Variants in MIPOL1 observed in about 807,000 individuals in gnomAD.
MIPOL1 encodes the protein mirror-image polydactyly 1.
In MIPOL1, 57 loss-of-function variants were observed where a neutral mutation model predicts 60.9. The ratio of observed to expected loss-of-function variants is 0.94; its 90% confidence interval spans 0.76 to 1.17. The LOEUF (loss-of-function observed/expected upper bound fraction) is 1.17. MIPOL1 is among the 50% of genes most tolerant of loss of function. The pLI, the probability that MIPOL1 is intolerant of heterozygous loss-of-function variation, is 0.00. For synonymous variants in MIPOL1, 179 were observed against 168.8 expected, an observed-to-expected ratio of 1.06 and a Z score of -0.47; for missense variants, 551 against 511.6, an observed-to-expected ratio of 1.08 and a Z score of -0.74.
In MIPOL1 at chr14:37,451,808, C is replaced by CTTTTTTT. The variant is rs535978128; in HGVS notation, c.1031+28877_1031+28883dup. On this transcript the variant is annotated intron_variant, in intron 11 of 12. Transcript: ENST00000684589. ...CTTAAGGTTCTTTTGTTTATTCTCT[C>CTTTTTTT]TTTTTTTTTTTTTTTTTTTTTTTTG... 1.8e-3 allele frequency among the ~76,000 whole-genome samples: 152 copies of CTTTTTTT among 84,558 alleles called. 14 individuals are homozygous for CTTTTTTT. The highest frequency in any genetic ancestry group is 8.4e-3 in the African/African-American group (132 of 15,746). 55.5% of individuals were successfully genotyped at this position (84,558 alleles called of 152,430 possible). A position where few individuals can be genotyped will look rare whatever the true frequency, so the allele number is the denominator to read the frequency against.
intron 12 of MIPOL1, among the ~76,000 whole-genome samples, chr14:37,532,850 A>G (rs895972202): frequency 6.6e-6 from 1 of 152,170 alleles, no homozygotes; most frequent in Non-Finnish European, 1.5e-5. Context: ...TAACATATTA[A>G]TATGTTTTTT....
At chr14:37,221,319 C>T (rs1255397909) in intron 1 of MIPOL1, among the ~76,000 whole-genome samples, 2 of 152,164 alleles carry the variant, frequency 1.3e-5, no homozygotes, top group African/African-American at 4.8e-5. Context: ...AGAACAAGAG[C>T]AGGCCCATTG....
At chr14:37,332,585 T>A (rs1476955471) in intron 9 of MIPOL1, among the ~76,000 whole-genome samples, 1 of 152,116 alleles carries the variant, frequency 6.6e-6, no homozygotes, top group Non-Finnish European at 1.5e-5. Flanking sequence ...GAAAAGAAAA[T>A]GTTATGAAGA....
chr14:37,198,357 T>C (rs1304940608), intron 1 of MIPOL1: 1 of 152,214 alleles, frequency 6.6e-6, no homozygotes, highest in Non-Finnish European at 1.5e-5. Context: ...TTCCTAATAC[T>C]GGACCTGAGC....
chr14:37,278,088 A>C (rs1398269636), intron 6 of MIPOL1: 1 of 151,632 alleles, frequency 6.6e-6, no homozygotes, highest in Non-Finnish European at 1.5e-5. Context: ...GTAATTGTAT[A>C]AAATGTTGCA....
chr14:37,239,048 AT>A (rs569559063), intron 1 of MIPOL1, among the ~76,000 whole-genome samples: 5,047 of 134,100 alleles, frequency 0.038, 168 homozygotes, highest in African/African-American at 0.1. Context: ...ACATTGCTTA[AT>A]TTTTTTTTTT....
At chr14:37,458,639 G>A (rs970351400) in intron 11 of MIPOL1, among the ~76,000 whole-genome samples, 1 of 151,462 alleles carries the variant, frequency 6.6e-6, no homozygotes, top group African/African-American at 2.4e-5. Context: ...GCAAACATGG[G>A]GAAACCCCGT....
intron 3 of MIPOL1, among the ~76,000 whole-genome samples, chr14:37,263,806 C>T (rs151012059): frequency 1.6e-4 from 25 of 152,234 alleles, no homozygotes; most frequent in African/African-American, 5.5e-4. Flanking sequence ...AGAGAGTTTC[C>T]GTTTCAAACC....
intron 6 of MIPOL1, among the ~76,000 whole-genome samples, chr14:37,272,858 G>A (rs985292010): frequency 6.6e-6 from 1 of 151,262 alleles, no homozygotes; most frequent in Non-Finnish European, 1.5e-5. Flanking sequence ...CACAATAAAA[G>A]AAATACTTAT....
intron 7 of MIPOL1, among the ~76,000 whole-genome samples, chr14:37,295,785 A>G (rs1195949467): frequency 6.6e-6 from 1 of 152,202 alleles, no homozygotes; most frequent in African/African-American, 2.4e-5. Context: ...CCAATACAGG[A>G]GCACCCAGAT....
chr14:37,324,681 G>A (rs2088960168), intron 9 of MIPOL1, among the ~76,000 whole-genome samples: 1 of 151,996 alleles, frequency 6.6e-6, no homozygotes, highest in East Asian at 1.9e-4. Flanking sequence ...TAATGTTTTA[G>A]TTTTCACTTT....
intron 9 of MIPOL1, among the ~76,000 whole-genome samples, chr14:37,366,653 C>G (rs527949600): frequency 2.6e-5 from 4 of 152,040 alleles, no homozygotes; most frequent in South Asian, 4.1e-4. Context: ...CCGTAACTGT[C>G]TAGTAGATCC....
intron 11 of MIPOL1, among the ~76,000 whole-genome samples, chr14:37,487,056 T>G (rs1351156761): frequency 6.6e-6 from 1 of 152,174 alleles, no homozygotes; most frequent in Non-Finnish European, 1.5e-5. Context: ...GGGTGTTGAA[T>G]TTTGTTGAAG....
intron 10 of MIPOL1, among the ~76,000 whole-genome samples, chr14:37,404,342 T>C (rs1353079897): frequency 1.3e-5 from 2 of 152,324 alleles, no homozygotes; most frequent in African/African-American, 4.8e-5. Context: ...TATTTAGTCA[T>C]ACCAAGAGGA....
At position 37,547,082 on chromosome 14, in the gene MIPOL1, G is replaced by A; in HGVS notation, c.*111G>A. The A allele has an allele frequency of 1.2e-6, 1 of 850,068 alleles. No individual in the cohort carries two copies. The highest frequency in any genetic ancestry group is 1.9e-6 in the Non-Finnish European group (1 of 526,464). The allele number at this position is 850,068 out of a possible 1,614,324, so 52.7% of individuals were successfully genotyped here. On this transcript the variant is annotated 3_prime_UTR_variant, in exon 13 of 13. Coordinates refer to ENST00000684589, the MANE Select transcript of MIPOL1 (RefSeq NM_001388067.1). ...ACTTAGCAAACAGTTGTTAGAAGTGGGACACTCCAACCACATTCCAAGCTG... is the reference window on the plus strand; with the variant it reads ...ACTTAGCAAACAGTTGTTAGAAGTGAGACACTCCAACCACATTCCAAGCTG...
intron 3 of MIPOL1, among the ~76,000 whole-genome samples, chr14:37,251,055 T>G (rs530483935): frequency 6.6e-6 from 1 of 151,772 alleles, no homozygotes; most frequent in Non-Finnish European, 1.5e-5. Context: ...AAACCCAAGT[T>G]TTTTTTTATA....
At chr14:37,470,672 G>A (rs574072603) in intron 11 of MIPOL1, among the ~76,000 whole-genome samples, 2 of 152,016 alleles carry the variant, frequency 1.3e-5, no homozygotes, top group African/African-American at 2.4e-5. Context: ...TTATAGTAAC[G>A]TGATAACAGA....
intron 12 of MIPOL1, among the ~76,000 whole-genome samples, chr14:37,522,001 T>G (rs2153631581): frequency 6.6e-6 from 1 of 151,398 alleles, no homozygotes; most frequent in South Asian, 2.1e-4. Flanking sequence ...ATTACAAAAT[T>G]TTTACATGAT....
intron 1 of MIPOL1, among the ~76,000 whole-genome samples, chr14:37,211,790 T>C (rs573757523): frequency 6.6e-6 from 1 of 152,002 alleles, no homozygotes; most frequent in East Asian, 1.9e-4. Flanking sequence ...CCAGGCTGCG[T>C]AGCTCCCAGT....
Sources: gnomAD v4.1 joint callset for allele counts (sites outside exome capture counted in the v4.1 genomes callset) on GRCh38, gnomAD v4.1.1 for gene constraint, MANE v1.5 for transcripts, NCBI Gene and HGNC (gene_info 2026-07-23, HGNC 2026-07-21) for gene names.